CLIP1: variants seen among roughly 807,000 people sequenced by gnomAD.
The protein encoded by CLIP1 is CAP-Gly domain containing linker protein 1, also known as CAP-Gly domain-containing linker protein 1.
A neutral mutation model predicts 161.6 loss-of-function variants in CLIP1; 66 were observed. That is an observed-to-expected ratio of 0.41 (90% CI 0.33 to 0.50). The LOEUF is 0.50. Ranked by LOEUF, CLIP1 falls within the 20% of genes least tolerant of loss-of-function variation. CLIP1 has a pLI of 0.27. For missense variants in CLIP1, 1,376 were observed against 1,702.0 expected (o/e 0.81, Z 3.37); for synonymous variants, 598 against 626.2 (o/e 0.96, Z 0.67).
At chr12:122,389,102 C>G (rs896398066) in intron 1 of CLIP1, among the ~76,000 whole-genome samples, 1 of 152,184 alleles carries the variant, frequency 6.6e-6, no homozygotes, top group Non-Finnish European at 1.5e-5. Context: ...AGGGCAAACT[C>G]AGGCATTCAT....
At position 122,403,491 on chromosome 12, in the gene CLIP1, C is replaced by G. The variant is rs1317363025; in HGVS notation, c.-107+19030G>C. ...GCCAATACAGTAGGAGACATCATTT[C>G]TTGTTTTGTTTTTTTTTTTTTTTTT... On this transcript the variant is annotated intron_variant, in intron 1 of 25. Coordinates refer to ENST00000620786, the MANE Select transcript of CLIP1 (RefSeq NM_001247997.2). 8.5e-5 allele frequency among the ~76,000 whole-genome samples: 7 copies of G among 82,064 alleles called. No individual in the cohort carries two copies. The East Asian group carries it at 1.1e-3, about 12-fold the overall frequency. 53.8% of individuals were successfully genotyped at this position (82,064 alleles called of 152,430 possible).
At chr12:122,334,741 AT>A in intron 12 of CLIP1, 36 bp from the exon 13 acceptor site, 1 of 1,319,280 alleles carries the variant, frequency 7.6e-7, no homozygotes. Flanking sequence ...GAACAGAAAG[AT>A]TTCAAATTGT....
chr12:122,285,278 G>A (rs1392518164), intron 21 of CLIP1, among the ~76,000 whole-genome samples: 2 of 149,698 alleles, frequency 1.3e-5, no homozygotes, highest in Non-Finnish European at 3.0e-5. Context: ...CCAGGCTGGA[G>A]TGCAGTGGCA....
intron 20 of CLIP1, among the ~76,000 whole-genome samples, chr12:122,306,880 A>G (rs1950891654): frequency 6.6e-6 from 1 of 152,156 alleles, no homozygotes; most frequent in Non-Finnish European, 1.5e-5. Flanking sequence ...ATAATCATGA[A>G]GTAAGCAGAA....
intron 10 of CLIP1, among the ~76,000 whole-genome samples, chr12:122,345,124 C>A (rs144973939): frequency 2.0e-5 from 3 of 151,996 alleles, no homozygotes; most frequent in African/African-American, 7.3e-5. Context: ...ATTGTATTTC[C>A]CGGATCAATT....
At chr12:122,328,502 A>T (rs1951798018) in intron 15 of CLIP1, 76 bp from the exon 16 acceptor site, 1 of 771,288 alleles carries the variant, frequency 1.3e-6, no homozygotes, top group East Asian at 3.2e-5. Flanking sequence ...AAAATATACT[A>T]TTAATAATTG....
Position 122,333,072 on chromosome 12 carries a change from T to G in CLIP1, c.2782A>C (p.Asn928His), listed in dbSNP as rs775926545. The G allele has an allele frequency of 6.2e-7, 1 of 1,613,754 alleles. No homozygotes were observed. The highest frequency in any genetic ancestry group is 1.7e-5 in the Admixed American group (1 of 60,024). ...QLIKAKEKLENDIAEIMKMSG... is the reference protein window; with the variant it reads ...QLIKAKEKLEHDIAEIMKMSG... The stretch of plus-strand genomic sequence containing the variant: ...ATCTTCATTATTTCTGCAATGTCAT[T>G]TTCCAGTTTTTCCTTTGCCTTTATC... The change falls in exon 15 of 26, where the codon AAT becomes CAT. Residue 928 changes from asparagine (N) to histidine (H), a missense_variant. This residue lies in a region of CLIP1 where 948 missense variants were observed against 1,134.8 expected (regional missense o/e 0.84). Coordinates refer to ENST00000620786, the MANE Select transcript of CLIP1 (RefSeq NM_001247997.2).
Position 122,377,939 on chromosome 12 carries a change from G to C in CLIP1, c.107C>G (p.Thr36Ser), listed in dbSNP as rs770296462. The change falls in exon 3 of 26, where the codon ACC (threonine) becomes AGC (serine). Residue 36 changes from threonine to serine, a missense_variant. Thr to Ser is a moderately conservative substitution (Grantham distance 58, BLOSUM62 1). This residue lies in a region of CLIP1 where 66 missense variants were observed against 67.8 expected (regional missense o/e 0.97). Transcript: ENST00000620786. ...GCTTGATGCTTTTTCACTGGATATG[G>C]TTTTTTCTACTGGAGCTACAACTGA... ...PTAVVAPVEK[T>S]ISSEKASSTP... 6.2e-7 allele frequency: 1 copy of C among 1,609,060 alleles called. No individual in the cohort carries two copies. Among genetic ancestry groups the C allele is most frequent in the South Asian group, 1.1e-5 (1 of 90,116 alleles).
At chr12:122,356,291 G>A (rs1292329185) in intron 5 of CLIP1, 1 of 152,192 alleles carries the variant, frequency 6.6e-6, no homozygotes, top group Non-Finnish European at 1.5e-5. Flanking sequence ...CCAGTGCACT[G>A]TAGGATGTTT....
chr12:122,357,031 C>G (rs530797573), intron 5 of CLIP1, among the ~76,000 whole-genome samples: 3 of 152,206 alleles, frequency 2.0e-5, no homozygotes, highest in South Asian at 2.1e-4. Context: ...CCCAAAGTGC[C>G]GAGACTGCAG....
intron 1 of CLIP1, among the ~76,000 whole-genome samples, chr12:122,387,584 ATATATATTTTTT>A (rs1232074107): frequency 9.2e-4 from 3 of 3,264 alleles, no homozygotes; most frequent in East Asian, 0.013. Context: ...ATATATATAT[ATATATATTTTTT>A]TTTTTTTTTT....
intron 1 of CLIP1, among the ~76,000 whole-genome samples, chr12:122,387,573 TA>T (rs2136923760): frequency 1.5e-3 from 6 of 3,912 alleles, no homozygotes; most frequent in South Asian, 0.01. Flanking sequence ...TATATATATA[TA>T]TATATATATA....
chr12:122,400,907 G>A lies in CLIP1; in HGVS notation c.-106-20349C>T, dbSNP rs573346961. ...AAGCATTACAGGGTTTCCCAACTCC[G>A]GATCCTTTTTTTTTTTTTTTTGAGA... On this transcript the variant is annotated intron_variant, in intron 1 of 25. Transcript: ENST00000620786. The A allele has an allele frequency of 6.4e-5, 7 of 109,878 alleles. No homozygotes were observed. In the South Asian group the frequency reaches 1.1e-3, roughly 17 times the overall value. 6.8% of individuals were successfully genotyped at this position (109,878 alleles called of 1,614,324 possible). A position where few individuals can be genotyped will look rare whatever the true frequency, so the allele number is the denominator to read the frequency against.
chr12:122,351,100 T>TGC lies in CLIP1; in HGVS notation c.1401+9_1401+10dup, dbSNP rs748512160. 1 of 1,542,212 alleles carries TGC rather than the reference T, an allele frequency of 6.5e-7. No homozygotes were observed. The highest frequency in any genetic ancestry group is 8.7e-7 in the Non-Finnish European group (1 of 1,148,060). On this transcript the variant is annotated intron_variant, in intron 9 of 25. Coordinates refer to ENST00000620786, the MANE Select transcript of CLIP1 (RefSeq NM_001247997.2). ...CAAGGGAAATATCCACACAGTTAAGTGCCCTCTTACATTCTCAGGATCTTC... is the reference window on the plus strand; with the variant it reads ...CAAGGGAAATATCCACACAGTTAAGTGCGCCCTCTTACATTCTCAGGATCTTC...
chr12:122,315,154 T>C (rs1040911898), intron 19 of CLIP1, among the ~76,000 whole-genome samples: 2 of 152,146 alleles, frequency 1.3e-5, no homozygotes, highest in Admixed American at 6.5e-5. Flanking sequence ...AATCAACAAA[T>C]AGTATTGAGG....
At chr12:122,321,349 G>T (rs1003817209) in intron 17 of CLIP1, among the ~76,000 whole-genome samples, 1 of 150,816 alleles carries the variant, frequency 6.6e-6, no homozygotes, top group African/African-American at 2.4e-5. Context: ...GGATTCAAGT[G>T]ATTCTACTGC....
At chr12:122,291,741 G>A (rs1219064207) in intron 20 of CLIP1, among the ~76,000 whole-genome samples, 3 of 152,090 alleles carry the variant, frequency 2.0e-5, no homozygotes, top group Non-Finnish European at 4.4e-5. Flanking sequence ...TATCTTCCAT[G>A]TTTCTCCACT....
chr12:122,350,447 C>A (rs76928972), intron 9 of CLIP1, among the ~76,000 whole-genome samples: 1 of 152,098 alleles, frequency 6.6e-6, no homozygotes, highest in Non-Finnish European at 1.5e-5. Flanking sequence ...CCTAGTAATG[C>A]TACAGCTAGA....
chr12:122,392,907 G>A (rs1196531748), intron 1 of CLIP1, among the ~76,000 whole-genome samples: 1 of 151,430 alleles, frequency 6.6e-6, no homozygotes, highest in African/African-American at 2.4e-5. Flanking sequence ...TCAGCCTCCC[G>A]AGTAACTGGG....
Sources: allele counts gnomAD v4.1 joint callset (sites outside exome capture counted in the v4.1 genomes callset), GRCh38; gene constraint gnomAD v4.1.1; regional missense constraint gnomAD v4.1.1; transcripts MANE v1.5; gene names NCBI Gene and HGNC (gene_info 2026-07-23, HGNC 2026-07-21).